The following STAT1 variants were observed in gnomAD, a reference collection of about 807,000 sequenced individuals.
STAT1 encodes signal transducer and activator of transcription 1-alpha/beta.
STAT1 carries 24 observed loss-of-function variants against 111.7 expected under a neutral mutation model. That is an observed-to-expected ratio of 0.21 (90% CI 0.16 to 0.30). The LOEUF (loss-of-function observed/expected upper bound fraction) is 0.30, where lower values mean the gene tolerates loss of function less well. STAT1 is among the 10% of genes least tolerant of loss of function. The pLI is 1.00. For missense variants in STAT1, 351 were observed against 911.9 expected (o/e 0.38, Z 7.92); for synonymous variants, 332 against 326.5 (o/e 1.02, Z -0.18).
intron 14 of STAT1, among the ~76,000 whole-genome samples, chr2:190,985,866 G>T (rs1284460207): frequency 6.6e-6 from 1 of 152,232 alleles, no homozygotes; most frequent in African/African-American, 2.4e-5. Context: ...GCGGACACCA[G>T]TCTGGAGGGA....
At chr2:190,988,993 G>A (rs1180766710) in intron 12 of STAT1, among the ~76,000 whole-genome samples, 1 of 152,086 alleles carries the variant, frequency 6.6e-6, no homozygotes, top group Non-Finnish European at 1.5e-5. Flanking sequence ...AAAATAGGAT[G>A]AGGCTGCTCC....
rs1695303465 is a variant in STAT1 at position 191,013,543 on chromosome 2, A to G, written c.-20T>C. The G allele has an allele frequency of 5.0e-6, 2 of 398,338 alleles. No homozygotes were observed. The highest frequency in any genetic ancestry group is 4.1e-5 in the African/African-American group (2 of 48,630). The allele number at this position is 398,338 out of a possible 1,614,324, so 24.7% of individuals were successfully genotyped here. On this transcript the variant is annotated 5_prime_UTR_variant, in exon 2 of 25. Transcript: ENST00000361099. ...TACTGACCTGCCACCTTGTGCCCCA[A>G]CAAGGGCCTGGGGATTCAACCAAAG... is the stretch of plus-strand genomic sequence containing the variant.
chr2:190,982,544 A>T lies in STAT1; in HGVS notation c.1447-26T>A, dbSNP rs774713192. ...CTAGAGAGAAAACACCCAAAATCTAAGGGTTACTACAGAGACACCAGTCAC... is the reference window on the plus strand; with the variant it reads ...CTAGAGAGAAAACACCCAAAATCTATGGGTTACTACAGAGACACCAGTCAC... On this transcript the variant is annotated intron_variant, in intron 17 of 24. Transcript: ENST00000361099. The surrounding 1 kb of genome is among the most constrained non-coding windows in gnomAD (Gnocchi z 7.3). 6 of 1,613,834 alleles carry T rather than the reference A, an allele frequency of 3.7e-6. No individual in the cohort carries two copies. The South Asian group carries it at 6.6e-5, about 18-fold the overall frequency.
chr2:190,972,382 C>A (rs2124983631), intron 24 of STAT1, among the ~76,000 whole-genome samples: 1 of 152,324 alleles, frequency 6.6e-6, no homozygotes, highest in South Asian at 2.1e-4. Flanking sequence ...GAAATCCAGA[C>A]TAAACAAATG....
In STAT1 at chr2:191,006,483, T is replaced by C. The variant is rs1393299516; in HGVS notation, c.372+1080A>G. Reference sequence around the variant, plus strand: ...ACAGGATTACAAGGACTGGGACAAATGCTCAGGCAGTGTGTGGAGAATGGC... The same window carrying C: ...ACAGGATTACAAGGACTGGGACAAACGCTCAGGCAGTGTGTGGAGAATGGC... On this transcript the variant is annotated intron_variant, in intron 5 of 24. Coordinates refer to ENST00000361099, the MANE Select transcript of STAT1 (RefSeq NM_007315.4). The surrounding 1 kb of genome is among the most constrained non-coding windows in gnomAD (Gnocchi z 4.6). 6.6e-6 allele frequency among the ~76,000 whole-genome samples: 1 copy of C among 152,176 alleles called. No individual in the cohort carries two copies. Among genetic ancestry groups the C allele is most frequent in the Admixed American group, 6.5e-5 (1 of 15,278 alleles).
Position 191,007,743 on chromosome 2 carries a change from G to C in STAT1, c.274-82C>G. The C allele has an allele frequency of 9.6e-7, 1 of 1,037,764 alleles. No individual in the cohort carries two copies. Among genetic ancestry groups the C allele is most frequent in the Non-Finnish European group, 1.5e-6 (1 of 667,158 alleles). The allele number at this position is 1,037,764 out of a possible 1,614,324, so 64.3% of individuals were successfully genotyped here. A position where few individuals can be genotyped will look rare whatever the true frequency, so the allele number is the denominator to read the frequency against. On this transcript the variant is annotated intron_variant, in intron 4 of 24. Coordinates refer to ENST00000361099, the MANE Select transcript of STAT1 (RefSeq NM_007315.4). The surrounding 1 kb of genome is among the most constrained non-coding windows in gnomAD (Gnocchi z 4.2). ...GTGTATTGTAAGTTGATATGAATTTGTTTATATTCTCCGGGAAACCTCATC... is the reference window on the plus strand; with the variant it reads ...GTGTATTGTAAGTTGATATGAATTTCTTTATATTCTCCGGGAAACCTCATC...
Position 190,974,318 on chromosome 2 carries a change from C to T in STAT1, c.2238+512G>A, listed in dbSNP as rs980974704. On this transcript the variant is annotated intron_variant, in intron 24 of 24. Transcript: ENST00000361099. This position sits in a 1 kb window ranked among gnomAD's most constrained non-coding sequence, Gnocchi z 4.8. ...CTTGAACCTTTTACTCTTGGCAAGC[C>T]CTTCACAGCCCCAGGAGCTACTTGT... 7.9e-5 allele frequency among the ~76,000 whole-genome samples: 12 copies of T among 152,156 alleles called. No homozygotes were observed. Among genetic ancestry groups the T allele is most frequent in the Admixed American group, 7.9e-4 (12 of 15,276 alleles).
rs1471721040 is a variant in STAT1, at chr2:190,998,178, A to G, written c.633+39T>C. On this transcript the variant is annotated intron_variant, in intron 8 of 24. Transcript: ENST00000361099. The surrounding 1 kb of genome is among the most constrained non-coding windows in gnomAD (Gnocchi z 4.1). ...TTTGAGTCCATTATTTACAGTGTAT[A>G]ACAAAAGTGGCATGCTATTCTGGAA... 6.3e-7 allele frequency: 1 copy of G among 1,592,286 alleles called. No individual in the cohort carries two copies. Among genetic ancestry groups the G allele is most frequent in the Admixed American group, 1.7e-5 (1 of 60,014 alleles).
chr2:190,993,317 G>T lies in STAT1; in HGVS notation c.944+1744C>A. On this transcript the variant is annotated intron_variant, in intron 10 of 24. Coordinates refer to ENST00000361099, the MANE Select transcript of STAT1 (RefSeq NM_007315.4). This position sits in a 1 kb window ranked among gnomAD's most constrained non-coding sequence, Gnocchi z 4.1. ...ATCATACACCACTAGGATGCCATTGGCTCCTCTGTAATAACTGGAGATGAC... is the reference window on the plus strand; with the variant it reads ...ATCATACACCACTAGGATGCCATTGTCTCCTCTGTAATAACTGGAGATGAC... 1 of 740,792 alleles carries T rather than the reference G, an allele frequency of 1.3e-6. No homozygotes were observed. The highest frequency in any genetic ancestry group is 2.4e-6 in the Non-Finnish European group (1 of 416,382). 45.9% of individuals were successfully genotyped at this position (740,792 alleles called of 1,614,324 possible). A position where few individuals can be genotyped will look rare whatever the true frequency, so the allele number is the denominator to read the frequency against.
chr2:190,981,030 T>TC lies in STAT1; in HGVS notation c.1583-362dup, dbSNP rs1374112720. ...CTCCCCAGCCCCCCTTTTCCCTCCC[T>TC]CCTCTAAAGAGAGGACAGTCCTTTT... On this transcript the variant is annotated intron_variant, in intron 18 of 24. Coordinates refer to ENST00000361099, the MANE Select transcript of STAT1 (RefSeq NM_007315.4). This position sits in a 1 kb window ranked among gnomAD's most constrained non-coding sequence, Gnocchi z 4.1. Among the ~76,000 whole-genome samples, 3 of 146,270 alleles carry TC rather than the reference T, an allele frequency of 2.1e-5. No individual in the cohort carries two copies. The South Asian group carries it at 6.5e-4, about 32-fold the overall frequency.
In STAT1 at chr2:190,999,480, T is replaced by A. The variant is rs1694099153; in HGVS notation, c.541+146A>T. 2.9e-6 allele frequency: 2 copies of A among 693,102 alleles called. No homozygotes were observed. The highest frequency in any genetic ancestry group is 4.2e-5 in the Admixed American group (2 of 47,174). The allele number at this position is 693,102 out of a possible 1,614,324, so 42.9% of individuals were successfully genotyped here. On this transcript the variant is annotated intron_variant, in intron 7 of 24. Transcript: ENST00000361099. The surrounding 1 kb of genome is among the most constrained non-coding windows in gnomAD (Gnocchi z 4.1). Reference sequence around the variant, plus strand: ...AGCCCGAAATGTCAATAATATTGGATGTTGAGAAGCCCTGGCCTGGGTTAT... The same window carrying A: ...AGCCCGAAATGTCAATAATATTGGAAGTTGAGAAGCCCTGGCCTGGGTTAT...
chr2:191,009,743 A>C (rs1030091613), intron 3 of STAT1, 133 bp downstream of exon 3: 3 of 1,341,412 alleles, frequency 2.2e-6, no homozygotes, highest in Admixed American at 3.5e-5. Flanking sequence ...TAAATCAACA[A>C]ACTTTTCTAC....
rs56228116 is a variant in STAT1 at position 190,985,612 on chromosome 2, C to T, written c.1263+7G>A. Reference sequence around the variant, plus strand: ...TGGGCCCATTCACAACATAAAGGGACTCTCACCTCATTCGTTCTGGTGCCA... The same window carrying T: ...TGGGCCCATTCACAACATAAAGGGATTCTCACCTCATTCGTTCTGGTGCCA... On this transcript the variant is annotated splice_region_variant and intron_variant, in intron 15 of 24. Transcript: ENST00000361099. 991 of 1,614,180 alleles carry T rather than the reference C, an allele frequency of 6.1e-4. No individual in the cohort carries two copies. The highest frequency in any genetic ancestry group is 8.1e-4 in the Non-Finnish European group (956 of 1,180,012).
chr2:190,983,658 A>G lies in STAT1; in HGVS notation c.1430T>C (p.Leu477Pro). ...GWASILWYNM[L>P]VAEPRNLSFF... is the part of the protein sequence containing the mutation. ...TTTCCATACCCTGGGTTCCGCCACC[A>G]GCATGTTGTACCAAAGGATGGAGGC... Residue 477 changes from leucine to proline, a missense_variant, in exon 17 of 25, where the codon CTG becomes CCG. This residue lies in a region of STAT1 where 181 missense variants were observed against 426.1 expected (regional missense o/e 0.42). Coordinates refer to ENST00000361099, the MANE Select transcript of STAT1 (RefSeq NM_007315.4). This position sits in a 1 kb window ranked among gnomAD's most constrained non-coding sequence, Gnocchi z 5.7. 1 of 1,614,162 alleles carries G rather than the reference A, an allele frequency of 6.2e-7. No individual in the cohort carries two copies. The highest frequency in any genetic ancestry group is 8.5e-7 in the Non-Finnish European group (1 of 1,180,000).
rs371275439 is a variant in STAT1 at position 190,998,795 on chromosome 2, T to A, written c.542-487A>T. On this transcript the variant is annotated intron_variant, in intron 7 of 24. Transcript: ENST00000361099. The surrounding 1 kb of genome is among the most constrained non-coding windows in gnomAD (Gnocchi z 4.1). ...CCTAAATAAATGTAAATAACATTAA[T>A]AATAATGTTATTATTATTATAAAAA... 7.9e-5 allele frequency among the ~76,000 whole-genome samples: 12 copies of A among 151,600 alleles called. No homozygotes were observed. In the East Asian group the frequency reaches 1.5e-3, roughly 20 times the overall value.
Position 190,997,348 on chromosome 2 carries a change from C to A in STAT1, c.785+508G>T, listed in dbSNP as rs1693931013. 1.3e-5 allele frequency among the ~76,000 whole-genome samples: 2 copies of A among 152,194 alleles called. No individual in the cohort carries two copies. The highest frequency in any genetic ancestry group is 2.9e-5 in the Non-Finnish European group (2 of 68,030). On this transcript the variant is annotated intron_variant, in intron 9 of 24. Transcript: ENST00000361099. The surrounding 1 kb of genome is among the most constrained non-coding windows in gnomAD (Gnocchi z 7.3). The stretch of plus-strand genomic sequence containing the variant: ...GATACTTTTACCACACGAATTATTA[C>A]CATGTCTACATCCCCCCCTCCACAC...
At chr2:190,991,191 A>G (rs746983784) in intron 11 of STAT1, 37 bp downstream of exon 11, 1 of 1,594,864 alleles carries the variant, frequency 6.3e-7, no homozygotes, top group Non-Finnish European at 8.6e-7. Context: ...AAACTACGTG[A>G]CAGGTGATGT....
rs1183815524 is a variant in STAT1, at chr2:190,997,770, A to G, written c.785+86T>C. On this transcript the variant is annotated intron_variant, in intron 9 of 24. Transcript: ENST00000361099. The surrounding 1 kb of genome is among the most constrained non-coding windows in gnomAD (Gnocchi z 7.3). ...CTATACTAATGTTTTGACAGGGTCC[A>G]TTCAACTAACACAGCTCAAAGGTAC... 19 of 1,592,296 alleles carry G rather than the reference A, an allele frequency of 1.2e-5. No homozygotes were observed. In the East Asian group the frequency reaches 4.0e-4, roughly 34 times the overall value.
rs1206870763 is a variant in STAT1, at chr2:190,978,080, G to T, written c.1873+776C>A. ...ATAAGAGTATTCCAGAAAAACAGGA[G>T]AAGAGGAATATTTCAGAAAAATAAA... is the stretch of plus-strand genomic sequence containing the variant. On this transcript the variant is annotated intron_variant, in intron 21 of 24. Transcript: ENST00000361099. The surrounding 1 kb of genome is among the most constrained non-coding windows in gnomAD (Gnocchi z 6.1). Among the ~76,000 whole-genome samples the T allele has an allele frequency of 6.6e-6, 1 of 152,016 alleles. No homozygotes were observed. The highest frequency in any genetic ancestry group is 1.5e-5 in the Non-Finnish European group (1 of 68,010).
Sources: allele counts gnomAD v4.1 joint callset (sites outside exome capture counted in the v4.1 genomes callset), GRCh38; gene constraint gnomAD v4.1.1; regional missense constraint gnomAD v4.1.1; non-coding constraint Gnocchi (gnomAD v3.1); transcripts MANE v1.5; gene names NCBI Gene and HGNC (gene_info 2026-07-23, HGNC 2026-07-21).